DNAH6: variants seen among roughly 807,000 people sequenced by gnomAD.
DNAH6 encodes axonemal beta dynein heavy chain 6.
In DNAH6, 340 loss-of-function variants were observed where a neutral mutation model predicts 491.4. The observed-to-expected ratio is 0.69, with a 90% CI of 0.63 to 0.76. DNAH6 has a LOEUF of 0.76. Ranked by LOEUF, DNAH6 falls within the 30% of genes least tolerant of loss-of-function variation. The pLI, the probability that DNAH6 is intolerant of heterozygous loss-of-function variation, is 0.00. For missense variants in DNAH6, 4,443 were observed against 4,972.2 expected, an observed-to-expected ratio of 0.89 and a Z score of 3.20; for synonymous variants, 1,603 against 1,686.1, an observed-to-expected ratio of 0.95 and a Z score of 1.21.
chr2:84,629,636 T>C (rs981949890), intron 29 of DNAH6, among the ~76,000 whole-genome samples: 1 of 152,228 alleles, frequency 6.6e-6, no homozygotes, highest in Non-Finnish European at 1.5e-5. Context: ...TACTGATTTC[T>C]TCTCTCAGTT....
Position 84,718,253 on chromosome 2 carries a change from C to T in DNAH6, c.9661C>T (p.Leu3221Phe). The change falls in exon 59 of 77, where the codon CTC (leucine) becomes TTC (phenylalanine). Residue 3221 changes from leucine to phenylalanine, a missense_variant. Leu to Phe is a conservative substitution (Grantham distance 22, BLOSUM62 0). This residue lies in a region of DNAH6 where 1,463 missense variants were observed against 1,656.6 expected (regional missense o/e 0.88). Coordinates refer to ENST00000389394, the MANE Select transcript of DNAH6 (RefSeq NM_001370.2). ...KPRLEEQRIKLIVRINTDKNQ... is the reference protein window; with the variant it reads ...KPRLEEQRIKFIVRINTDKNQ... ...CAGGTTGGAAGAACAAAGAATTAAG[C>T]TCATCGTGAGGATCAACACTGATAA... 3 of 1,547,350 alleles carry T rather than the reference C, an allele frequency of 1.9e-6. No individual in the cohort carries two copies. The highest frequency in any genetic ancestry group is 2.6e-6 in the Non-Finnish European group (3 of 1,145,722).
At chr2:84,816,791 T>A (rs1680527356) in intron 76 of DNAH6, among the ~76,000 whole-genome samples, 1 of 152,022 alleles carries the variant, frequency 6.6e-6, no homozygotes. Flanking sequence ...CATCTGAAAC[T>A]GAGATACAGC....
At chr2:84,465,680 A>G in the DNAH6 span, among the ~76,000 whole-genome samples, 3 of 152,192 alleles carry the variant, frequency 2.0e-5, no homozygotes. Context: ...GGGTTGCTAG[A>G]TGATTCCAAT....
In DNAH6 at chr2:84,624,994, C is replaced by T. The variant is rs991475762; in HGVS notation, c.4446C>T (p.Thr1482=). 4 of 1,551,590 alleles carry T rather than the reference C, an allele frequency of 2.6e-6. No homozygotes were observed. The highest frequency in any genetic ancestry group is 1.7e-4 in the Middle Eastern group (1 of 5,986). Residue 1482 remains threonine, a synonymous_variant, in exon 29 of 77, where the codon ACC becomes ACT. Transcript: ENST00000389394. Reference sequence around the variant, plus strand: ...CTGGCACTGGGAAAACAGAGACTACCAAAGATCTGGCAAAAGCTCTTGCCA... The same window carrying T: ...CTGGCACTGGGAAAACAGAGACTACTAAAGATCTGGCAAAAGCTCTTGCCA... ...GPAGTGKTET[T]KDLAKALAIQ...
At chr2:84,707,775 G>T (rs1696622783) in intron 54 of DNAH6, 59 bp downstream of exon 54, 1 of 1,389,340 alleles carries the variant, frequency 7.2e-7, no homozygotes, top group Middle Eastern at 1.8e-4. Context: ...GGAGCCAGGG[G>T]TGGTTCATTT....
chr2:84,665,872 A>G (rs1432108102), intron 37 of DNAH6, among the ~76,000 whole-genome samples: 1 of 152,148 alleles, frequency 6.6e-6, no homozygotes, highest in African/African-American at 2.4e-5. Flanking sequence ...GGCAAACCGA[A>G]TCCAGCAGCA....
rs545560776 is a variant in DNAH6, at chr2:84,694,470, C to A, written c.7514C>A (p.Thr2505Asn). ...GACAAGAATATGGTTTTCCTTTTCA[C>A]TGACACCCAGGTGTGTGTTTAAATA... ...VEDKNMVFLF[T>N]DTQIVVEEFL... Residue 2505 changes from threonine (T) to asparagine (N), a missense_variant, in exon 46 of 77, where the codon ACT becomes AAT. Around this residue, in one of 3 missense-constraint regions of DNAH6, gnomAD observed 2,977 missense variants for 3,296.6 expected, o/e 0.90. Transcript: ENST00000389394. 2 of 1,551,384 alleles carry A rather than the reference C, an allele frequency of 1.3e-6. No individual in the cohort carries two copies. Among genetic ancestry groups the A allele is most frequent in the East Asian group, 4.9e-5 (2 of 40,920 alleles).
chr2:84,729,521 T>C (rs72924738), intron 61 of DNAH6, among the ~76,000 whole-genome samples: 5,497 of 152,278 alleles, frequency 0.036, 325 homozygotes, highest in African/African-American at 0.12. Flanking sequence ...GTTAAAGAGC[T>C]TTCCAAAATC....
chr2:84,683,954 A>G (rs748692680), intron 42 of DNAH6, among the ~76,000 whole-genome samples: 3 of 152,136 alleles, frequency 2.0e-5, no homozygotes, highest in Non-Finnish European at 4.4e-5. Context: ...GAGCTTAGGC[A>G]TTAAGAACCC....
At chr2:84,730,008 A>G (rs765472149) in intron 61 of DNAH6, among the ~76,000 whole-genome samples, 14 of 152,210 alleles carry the variant, frequency 9.2e-5, no homozygotes, top group African/African-American at 3.1e-4. Flanking sequence ...ATGCAAGGAA[A>G]TGGTGCAGCA....
chr2:84,626,730 T>G (rs935327945), intron 29 of DNAH6, among the ~76,000 whole-genome samples: 6 of 152,186 alleles, frequency 3.9e-5, no homozygotes, highest in Admixed American at 2.0e-4. Flanking sequence ...GCCTCCTGAA[T>G]AGCTGGGATT....
rs1692481253 is a variant in DNAH6, at chr2:84,669,297, T to C, written c.6093T>C (p.Asn2031=). 6.5e-7 allele frequency: 1 copy of C among 1,550,088 alleles called. No individual in the cohort carries two copies. Among genetic ancestry groups the C allele is most frequent in the Non-Finnish European group, 8.7e-7 (1 of 1,145,616 alleles). ...TTAATTTTGTACTTTAGCTTCCCAA[T>C]TCTGGTGATCTGTGGAGCATTCATA... The part of the protein sequence containing the change: ...FDDNPDARLP[N]SGDLWSIHMD... Residue 2031 remains asparagine, a synonymous_variant, in exon 38 of 77, where the codon AAT becomes AAC. Transcript: ENST00000389394.
intron 63 of DNAH6, among the ~76,000 whole-genome samples, chr2:84,747,542 G>T (rs186076414): frequency 6.6e-6 from 1 of 152,290 alleles, no homozygotes; most frequent in African/African-American, 2.4e-5. Context: ...CTTTTGGGGA[G>T]CTGTCCATGT....
intron 10 of DNAH6, among the ~76,000 whole-genome samples, chr2:84,555,475 C>A (rs932221969): frequency 6.6e-6 from 1 of 152,152 alleles, no homozygotes. Flanking sequence ...TTCTTGCTAT[C>A]CTTAAGGGCT....
At chr2:84,681,145 C>A (rs2104728154) in intron 41 of DNAH6, among the ~76,000 whole-genome samples, 1 of 152,192 alleles carries the variant, frequency 6.6e-6, no homozygotes, top group African/African-American at 2.4e-5. Flanking sequence ...ATATGAATGC[C>A]ACTCAGGCAT....
the DNAH6 span, among the ~76,000 whole-genome samples, chr2:84,487,491 G>C: frequency 4.6e-5 from 7 of 152,310 alleles, no homozygotes; most frequent in East Asian, 1.4e-3. Flanking sequence ...ATGGAGTCTG[G>C]CTCCTGTTGT....
At chr2:84,785,444 G>A (rs1677085579) in intron 66 of DNAH6, among the ~76,000 whole-genome samples, 166 bp from the exon 67 acceptor site, 1 of 152,200 alleles carries the variant, frequency 6.6e-6, no homozygotes, top group African/African-American at 2.4e-5. Context: ...GACTGTGCCT[G>A]AGCAAGATAC....
intron 32 of DNAH6, among the ~76,000 whole-genome samples, 164 bp downstream of exon 32, chr2:84,640,742 T>C (rs11691074): frequency 0.035 from 5,316 of 152,290 alleles, 140 homozygotes; most frequent in Non-Finnish European, 0.052. Flanking sequence ...TGACACAGGC[T>C]CTCTCTCTTT....
At chr2:84,471,309 G>A in the DNAH6 span, among the ~76,000 whole-genome samples, 1 of 152,180 alleles carries the variant, frequency 6.6e-6, no homozygotes, top group African/African-American at 2.4e-5. Flanking sequence ...GCCCTTAATT[G>A]CTGCTCAGTG....
Sources: allele counts gnomAD v4.1 joint callset (sites outside exome capture counted in the v4.1 genomes callset), GRCh38; gene constraint gnomAD v4.1.1; regional missense constraint gnomAD v4.1.1; transcripts MANE v1.5; gene names NCBI Gene and HGNC (gene_info 2026-07-23, HGNC 2026-07-21).